Variants in COL4A5 observed in about 807,000 individuals in gnomAD.
COL4A5 encodes the protein collagen type IV alpha 5 chain, also known as collagen alpha-5(IV) chain.
Under a neutral mutation model 130.2 loss-of-function variants are expected in COL4A5, and 26 were observed. That is an observed-to-expected ratio of 0.20 (90% confidence interval 0.15 to 0.28). The LOEUF (loss-of-function observed/expected upper bound fraction) is 0.28, where lower values mean the gene tolerates loss of function less well. Ranked by LOEUF, COL4A5 falls within the 10% of genes least tolerant of loss-of-function variation. The probability of loss-of-function intolerance (pLI) is 1.00; values close to 1 mark genes in which losing one functional copy is unlikely to be tolerated. For missense variants in COL4A5, 1,131 were observed against 1,344.3 expected, an observed-to-expected ratio of 0.84 and a Z score of 2.48; for synonymous variants, 496 against 439.6, an observed-to-expected ratio of 1.13 and a Z score of -1.60.
intron 1 of COL4A5, among the ~76,000 whole-genome samples, chrX:108,479,002 C>T (rs762295995): frequency 2.9e-4 from 32 of 112,184 alleles, no homozygotes; most frequent in Non-Finnish European, 5.8e-4. Context: ...GCCAGGTCAG[C>T]ATTGATGAGT....
At chrX:108,565,784 C>CA (rs1381627337) in intron 4 of COL4A5, among the ~76,000 whole-genome samples, 2 of 111,575 alleles carry the variant, frequency 1.8e-5, no homozygotes, top group African/African-American at 6.5e-5. Context: ...ATATTTCTTG[C>CA]AAATTTCACG....
chrX:108,556,488 A>C (rs1218699915), intron 2 of COL4A5, among the ~76,000 whole-genome samples: 1 of 106,228 alleles, frequency 9.4e-6, no homozygotes, highest in African/African-American at 3.9e-5. Context: ...CAGTATTTAA[A>C]GGATAGGCAG....
At chrX:108,568,199 A>G (rs2147744999) in intron 4 of COL4A5, among the ~76,000 whole-genome samples, 1 of 111,788 alleles carries the variant, frequency 8.9e-6, no homozygotes, top group Admixed American at 9.5e-5. Context: ...GAATATTGTC[A>G]AACTTGTATT....
chrX:108,601,216 A>G (rs1017960541), intron 25 of COL4A5, among the ~76,000 whole-genome samples, 177 bp from the exon 26 acceptor site: 1 of 111,663 alleles, frequency 9.0e-6, no homozygotes, highest in African/African-American at 3.3e-5. Flanking sequence ...TTGAAATTCT[A>G]TCCTTCTGTT....
chrX:108,624,099 T>A, intron 33 of COL4A5, 137 bp from the exon 34 acceptor site: 1 of 530,765 alleles, frequency 1.9e-6, no homozygotes, highest in Non-Finnish European at 3.3e-6. Flanking sequence ...CCAGTGCTAA[T>A]AGCTCATACT....
At chrX:108,610,897 A>G in intron 29 of COL4A5, among the ~76,000 whole-genome samples, 1 of 111,824 alleles carries the variant, frequency 8.9e-6, no homozygotes, top group Non-Finnish European at 1.9e-5. Flanking sequence ...AGAAGCTCAA[A>G]TGCATAGTTT....
At chrX:108,635,613 A>C (rs1379202443) in intron 36 of COL4A5, among the ~76,000 whole-genome samples, 1 of 111,888 alleles carries the variant, frequency 8.9e-6, no homozygotes, top group African/African-American at 3.2e-5. Flanking sequence ...GAATAGTCAA[A>C]GAAATCTTGA....
At chrX:108,652,637 A>G (rs931147517) in intron 36 of COL4A5, among the ~76,000 whole-genome samples, 1 of 112,340 alleles carries the variant, frequency 8.9e-6, no homozygotes, top group Non-Finnish European at 1.9e-5. Flanking sequence ...GGGTTATAGT[A>G]TGGAATGGAG....
intron 1 of COL4A5, among the ~76,000 whole-genome samples, chrX:108,476,238 G>T (rs1238521339): frequency 9.0e-6 from 1 of 110,766 alleles, no homozygotes; most frequent in African/African-American, 3.3e-5. Context: ...AAAATACCTT[G>T]ATTTATTTAT....
At chrX:108,531,193 A>C (rs1315921821) in intron 1 of COL4A5, among the ~76,000 whole-genome samples, 1 of 69,980 alleles carries the variant, frequency 1.4e-5, no homozygotes, top group African/African-American at 5.6e-5. Context: ...GGAACATCAC[A>C]CTCTGGGGAC....
chrX:108,588,618 C>T (rs1227159073), intron 19 of COL4A5, among the ~76,000 whole-genome samples: 1 of 110,514 alleles, frequency 9.0e-6, no homozygotes, highest in Non-Finnish European at 1.9e-5. Flanking sequence ...TGGCTGAGAA[C>T]TTCCATCTAT....
intron 1 of COL4A5, among the ~76,000 whole-genome samples, chrX:108,491,158 TG>T (rs2064989797): frequency 9.0e-6 from 1 of 111,523 alleles, no homozygotes; most frequent in Admixed American, 9.5e-5. Context: ...GAAAGTGTCT[TG>T]GAGCTATTTG....
At chrX:108,692,308 A>G (rs760616301) in intron 49 of COL4A5, among the ~76,000 whole-genome samples, 14 of 110,864 alleles carry the variant, frequency 1.3e-4, no homozygotes, top group Non-Finnish European at 2.6e-4. Flanking sequence ...CAGCATTACT[A>G]TTGTCCCTAG....
intron 15 of COL4A5, 83 bp downstream of exon 15, chrX:108,580,821 T>C: frequency 9.8e-7 from 1 of 1,017,573 alleles, no homozygotes; most frequent in Non-Finnish European, 1.4e-6. Flanking sequence ...TCCTACATCT[T>C]CCATTGTTTC....
chrX:108,628,548 C>T (rs73528365), intron 36 of COL4A5, among the ~76,000 whole-genome samples: 11,678 of 110,919 alleles, frequency 0.11, 1,311 homozygotes, highest in African/African-American at 0.34. Flanking sequence ...TTAACTCTTT[C>T]GTAAATTGTC....
chrX:108,540,695 C>CAGGGGATT (rs1292801295), intron 2 of COL4A5, among the ~76,000 whole-genome samples: 3 of 111,802 alleles, frequency 2.7e-5, no homozygotes, highest in African/African-American at 9.8e-5. Flanking sequence ...AAGTGATCTG[C>CAGGGGATT]CCACCTTGGC....
chrX:108,642,173 G>A (rs2067481041), intron 36 of COL4A5, among the ~76,000 whole-genome samples: 1 of 110,003 alleles, frequency 9.1e-6, no homozygotes, highest in Non-Finnish European at 1.9e-5. Flanking sequence ...AATCCTCCTA[G>A]GTACACAACC....
rs1183643203 is a variant in COL4A5, at chrX:108,681,813, G to A, written c.4141G>A (p.Ala1381Thr). 1.7e-6 allele frequency: 2 copies of A among 1,207,681 alleles called. No homozygotes were observed. Among genetic ancestry groups the A allele is most frequent in the African/African-American group, 3.5e-5 (2 of 56,903 alleles). The change falls in exon 47 of 53, where the codon GCT (alanine) becomes ACT (threonine). Residue 1381 changes from alanine to threonine, a missense_variant. By Grantham distance (58) the Ala-to-Thr change is moderately conservative. Transcript: ENST00000328300. ...ACAGAGTATCATAATTAAAGGAGAT[G>A]CTGGTCCTCCAGGAATCCCTGGCCA... ...SGQSIIIKGD[A>T]GPPGIPGQPG... is the part of the protein sequence containing the mutation.
At chrX:108,496,024 C>T (rs1290061026) in intron 1 of COL4A5, among the ~76,000 whole-genome samples, 1 of 112,206 alleles carries the variant, frequency 8.9e-6, no homozygotes, top group Non-Finnish European at 1.9e-5. Context: ...GAAGAGGCAG[C>T]GTTTTGTCTT....
Sources: allele counts gnomAD v4.1 joint callset (sites outside exome capture counted in the v4.1 genomes callset), GRCh38; gene constraint gnomAD v4.1.1; transcripts MANE v1.5; gene names NCBI Gene and HGNC (gene_info 2026-07-23, HGNC 2026-07-21).